Variants in ME2 observed in about 807,000 individuals in gnomAD.
The protein encoded by ME2 is NAD-dependent malic enzyme, mitochondrial.
ME2 carries 60 observed loss-of-function variants against 73.7 expected under a neutral mutation model. The observed-to-expected ratio is 0.81, with a 90% confidence interval of 0.66 to 1.01. The LOEUF (loss-of-function observed/expected upper bound fraction) is 1.01. Among genes scored for constraint, ME2 ranks in the 50% least tolerant of loss-of-function variants. The pLI is 0.00. For missense variants in ME2, 594 were observed against 705.5 expected (o/e 0.84, Z 1.79); for synonymous variants, 199 against 236.9 (o/e 0.84, Z 1.47).
In ME2 at chr18:50,932,457, T is replaced by A. The variant is rs534245414; in HGVS notation, c.1417+97T>A. ...AATGGGAGACTGAACTGAGCAACAG[T>A]ATTACAGAATTTTGGTATAAATGTA... On this transcript the variant is annotated intron_variant, in intron 13 of 15. Coordinates refer to ENST00000321341, the MANE Select transcript of ME2 (RefSeq NM_002396.5). The A allele has an allele frequency of 2.2e-5, 18 of 814,288 alleles. No homozygotes were observed. The South Asian group carries it at 4.3e-4, about 20-fold the overall frequency. 50.4% of individuals were successfully genotyped at this position (814,288 alleles called of 1,614,324 possible).
Position 50,905,274 on chromosome 18 carries a change from C to T in ME2, c.109-2789C>T, listed in dbSNP as rs550285781. On this transcript the variant is annotated intron_variant, in intron 2 of 15. Coordinates refer to ENST00000321341, the MANE Select transcript of ME2 (RefSeq NM_002396.5). The stretch of plus-strand genomic sequence containing the variant: ...TGCTGGGATTAGAGGCGTGAGCCAC[C>T]GCACCTGGCAGTTCATATTTCTTTA... 5.9e-5 allele frequency among the ~76,000 whole-genome samples: 9 copies of T among 152,202 alleles called. No homozygotes were observed. In the South Asian group the frequency reaches 1.2e-3, roughly 21 times the overall value.
At chr18:50,909,377 A>G (rs1917093677) in intron 3 of ME2, among the ~76,000 whole-genome samples, 1 of 152,280 alleles carries the variant, frequency 6.6e-6, no homozygotes, top group Middle Eastern at 3.4e-3. Flanking sequence ...TGTACAGTAC[A>G]ATGAGAAAAA....
At chr18:50,923,723 A>G (rs1441102019) in intron 10 of ME2, among the ~76,000 whole-genome samples, 1 of 152,212 alleles carries the variant, frequency 6.6e-6, no homozygotes, top group African/African-American at 2.4e-5. Flanking sequence ...CGACAGAGTG[A>G]TACCCCATTT....
intron 12 of ME2, among the ~76,000 whole-genome samples, chr18:50,930,635 T>A (rs1917669795): frequency 6.6e-6 from 1 of 152,208 alleles, no homozygotes; most frequent in Non-Finnish European, 1.5e-5. Context: ...TTGTCATTAT[T>A]GAAGAGATTC....
At position 50,941,353 on chromosome 18, in the gene ME2, C is replaced by CTTTTTTTTTTTTTTTTTT. The variant is rs57428974; in HGVS notation, c.1587+981_1587+998dup. On this transcript the variant is annotated intron_variant, in intron 15 of 15. Coordinates refer to ENST00000321341, the MANE Select transcript of ME2 (RefSeq NM_002396.5). ...TCTTTGTGTGTATTTGTGATGGTTT[C>CTTTTTTTTTTTTTTTTTT]TTTTTTTTTTTTTTTTTTTTTTTTT... Among the ~76,000 whole-genome samples, 21 of 63,820 alleles carry CTTTTTTTTTTTTTTTTTT rather than the reference C, an allele frequency of 3.3e-4. 4 individuals carry two copies. Among genetic ancestry groups the CTTTTTTTTTTTTTTTTTT allele is most frequent in the African/African-American group, 8.1e-4 (10 of 12,418 alleles). The allele number at this position is 63,820 out of a possible 152,430, so 41.9% of individuals were successfully genotyped here. A position where few individuals can be genotyped will look rare whatever the true frequency, so the allele number is the denominator to read the frequency against.
At chr18:50,897,529 C>T (rs1192393937) in intron 2 of ME2, among the ~76,000 whole-genome samples, 1 of 151,784 alleles carries the variant, frequency 6.6e-6, no homozygotes, top group African/African-American at 2.4e-5. Flanking sequence ...AGTTCAAGAC[C>T]AGCCTGACCA....
intron 1 of ME2, among the ~76,000 whole-genome samples, chr18:50,885,045 A>G (rs1486725838): frequency 6.6e-6 from 1 of 152,050 alleles, no homozygotes; most frequent in African/African-American, 2.4e-5. Context: ...TAGTAGAGAC[A>G]GGGTTTTGCC....
At position 50,947,893 on chromosome 18, in the gene ME2, G is replaced by T. The variant is rs528226386; in HGVS notation, c.*709G>T. ...TTTAATAAATATCTTACATTTAATTGCTTCAGTTATGCTATCTTATTGCCC... is the reference window on the plus strand; with the variant it reads ...TTTAATAAATATCTTACATTTAATTTCTTCAGTTATGCTATCTTATTGCCC... On this transcript the variant is annotated 3_prime_UTR_variant, in exon 16 of 16. Transcript: ENST00000321341. 2.0e-5 allele frequency: 3 copies of T among 152,014 alleles called. No individual in the cohort carries two copies. The highest frequency in any genetic ancestry group is 4.8e-5 in the African/African-American group (2 of 41,384). The allele number at this position is 152,014 out of a possible 1,614,324, so 9.4% of individuals were successfully genotyped here.
intron 2 of ME2, among the ~76,000 whole-genome samples, chr18:50,900,419 C>G (rs573826769): frequency 8.8e-4 from 133 of 151,818 alleles, no homozygotes; most frequent in African/African-American, 3.1e-3. Flanking sequence ...CTCAGCCTCC[C>G]TAGTAGCTGG....
At chr18:50,946,656 T>A (rs1320693323) in intron 15 of ME2, among the ~76,000 whole-genome samples, 1 of 152,144 alleles carries the variant, frequency 6.6e-6, no homozygotes, top group Non-Finnish European at 1.5e-5. Flanking sequence ...AGCAGAAACC[T>A]CTCTCTCACC....
At chr18:50,885,680 A>G (rs1249800298) in intron 1 of ME2, among the ~76,000 whole-genome samples, 1 of 151,980 alleles carries the variant, frequency 6.6e-6, no homozygotes, top group African/African-American at 2.4e-5. Flanking sequence ...ATATATATAT[A>G]TTTTTAACAC....
chr18:50,899,070 A>G (rs1467973401), intron 2 of ME2, among the ~76,000 whole-genome samples: 3 of 151,964 alleles, frequency 2.0e-5, no homozygotes, highest in African/African-American at 7.3e-5. Flanking sequence ...ATTTACAGCC[A>G]CTCCTCATGG....
At chr18:50,917,266 A>G (rs771848017) in intron 5 of ME2, 81 bp from the exon 6 acceptor site, 25 of 1,093,132 alleles carry the variant, frequency 2.3e-5, no homozygotes, top group Non-Finnish European at 3.2e-5. Flanking sequence ...ATATATATGA[A>G]GTGAATCAAT....
chr18:50,928,986 CTA>C (rs1341388940), intron 12 of ME2, among the ~76,000 whole-genome samples: 1 of 151,994 alleles, frequency 6.6e-6, no homozygotes, highest in Non-Finnish European at 1.5e-5. Flanking sequence ...CAAACTCTCA[CTA>C]TCTTGTTAGG....
At chr18:50,911,276 C>G (rs907328509) in intron 3 of ME2, among the ~76,000 whole-genome samples, 1 of 152,168 alleles carries the variant, frequency 6.6e-6, no homozygotes, top group East Asian at 1.9e-4. Context: ...GTCTTCTTCC[C>G]TTTAATTTCT....
intron 15 of ME2, among the ~76,000 whole-genome samples, chr18:50,946,123 T>C (rs1918077430): frequency 2.6e-5 from 4 of 151,566 alleles, no homozygotes. Context: ...AATAAATAAA[T>C]AAATAAATAA....
chr18:50,884,457 C>T (rs1472156633), intron 1 of ME2, among the ~76,000 whole-genome samples: 1 of 152,056 alleles, frequency 6.6e-6, no homozygotes, highest in Non-Finnish European at 1.5e-5. Flanking sequence ...AAGCAATTCT[C>T]CTGCTTCAGC....
intron 3 of ME2, among the ~76,000 whole-genome samples, chr18:50,908,479 A>G (rs1005132860): frequency 3.3e-5 from 5 of 152,166 alleles, no homozygotes; most frequent in Admixed American, 3.3e-4. Context: ...CACTCATTTT[A>G]TTCAAAAACT....
At chr18:50,915,965 T>C (rs1917274922) in intron 4 of ME2, 4 of 439,840 alleles carry the variant, frequency 9.1e-6, no homozygotes, top group Non-Finnish European at 1.6e-5. Flanking sequence ...AACAATAATC[T>C]TTGTTGCATC....
Sources: allele counts gnomAD v4.1 joint callset (sites outside exome capture counted in the v4.1 genomes callset), GRCh38; gene constraint gnomAD v4.1.1; transcripts MANE v1.5; gene names NCBI Gene and HGNC (gene_info 2026-07-23, HGNC 2026-07-21).